The following PLPPR1 variants were observed in gnomAD, a reference collection of about 807,000 sequenced individuals.
PLPPR1 encodes the protein phospholipid phosphatase-related protein type 1.
A neutral mutation model predicts 33.1 loss-of-function variants in PLPPR1; 10 were observed. The ratio of observed to expected loss-of-function variants is 0.30; its 90% confidence interval spans 0.19 to 0.51. PLPPR1 has a LOEUF of 0.51. PLPPR1 is among the 20% of genes least tolerant of loss of function. The pLI is 0.97. For synonymous variants in PLPPR1, 151 were observed against 151.0 expected, an observed-to-expected ratio of 1.00 and a Z score of 0.00; for missense variants, 304 against 408.1, an observed-to-expected ratio of 0.74 and a Z score of 2.20.
chr9:101,122,052 G>A (rs891727608), intron 1 of PLPPR1, among the ~76,000 whole-genome samples: 1 of 152,074 alleles, frequency 6.6e-6, no homozygotes, highest in Non-Finnish European at 1.5e-5. Context: ...TTAGCCTTTG[G>A]GTATTTATTT....
At chr9:101,188,448 G>A (rs1267451718) in intron 2 of PLPPR1, among the ~76,000 whole-genome samples, 2 of 151,794 alleles carry the variant, frequency 1.3e-5, no homozygotes, top group African/African-American at 4.8e-5. Flanking sequence ...TCTATAAGTG[G>A]CAGCAGATTT....
At chr9:101,085,472 A>G (rs2118520387) in intron 1 of PLPPR1, among the ~76,000 whole-genome samples, 1 of 152,312 alleles carries the variant, frequency 6.6e-6, no homozygotes, top group Non-Finnish European at 1.5e-5. Flanking sequence ...GATGGGATCC[A>G]TCTACAGAGC....
At chr9:101,268,330 G>A (rs910844529) in intron 2 of PLPPR1, among the ~76,000 whole-genome samples, 2 of 152,018 alleles carry the variant, frequency 1.3e-5, no homozygotes, top group African/African-American at 2.4e-5. Context: ...CTGTATGGAA[G>A]AGTTGCAGAA....
intron 2 of PLPPR1, chr9:101,187,888 G>C (rs1826231007): frequency 6.6e-6 from 1 of 151,950 alleles, no homozygotes; most frequent in Non-Finnish European, 1.5e-5. Flanking sequence ...CTATTGTCCT[G>C]AAGCCAGAAG....
At chr9:101,077,454 G>A (rs894640088) in intron 1 of PLPPR1, among the ~76,000 whole-genome samples, 8 of 152,114 alleles carry the variant, frequency 5.3e-5, no homozygotes, top group African/African-American at 1.9e-4. Flanking sequence ...AGCCACATTA[G>A]TGGGTATGTT....
chr9:101,143,673 G>GA (rs1831483292), intron 1 of PLPPR1, among the ~76,000 whole-genome samples: 3 of 152,088 alleles, frequency 2.0e-5, no homozygotes, highest in African/African-American at 7.2e-5. Flanking sequence ...ACAGACACAT[G>GA]AAAAAATGCT....
chr9:101,123,810 C>G (rs1189443810), intron 1 of PLPPR1, among the ~76,000 whole-genome samples: 1 of 152,120 alleles, frequency 6.6e-6, no homozygotes, highest in Non-Finnish European at 1.5e-5. Flanking sequence ...TGGATTCTAT[C>G]CAAGTCACGA....
At chr9:101,062,751 A>T (rs1830361867) in intron 1 of PLPPR1, among the ~76,000 whole-genome samples, 1 of 152,086 alleles carries the variant, frequency 6.6e-6, no homozygotes, top group Non-Finnish European at 1.5e-5. Flanking sequence ...CCAATAGATA[A>T]CAATTATAAG....
intron 2 of PLPPR1, among the ~76,000 whole-genome samples, chr9:101,196,880 T>A (rs964375216): frequency 2.1e-4 from 31 of 150,552 alleles, no homozygotes; most frequent in Non-Finnish European, 4.3e-4. Context: ...AAAAAAAAAA[T>A]TGTTAAAGAT....
intron 4 of PLPPR1, among the ~76,000 whole-genome samples, chr9:101,293,358 A>G: frequency 6.6e-6 from 1 of 151,954 alleles, no homozygotes; most frequent in South Asian, 2.1e-4. Context: ...ATAATGGGAG[A>G]CTTTAACACC....
chr9:101,244,159 G>T (rs993397177), intron 2 of PLPPR1, among the ~76,000 whole-genome samples: 8 of 152,062 alleles, frequency 5.3e-5, no homozygotes, highest in African/African-American at 1.7e-4. Context: ...CAATTAGGAG[G>T]TTATTGATGA....
chr9:101,039,524 G>A (rs2012728), intron 1 of PLPPR1, among the ~76,000 whole-genome samples: 29,827 of 151,994 alleles, frequency 0.2, 3,140 homozygotes, highest in East Asian at 0.36. Flanking sequence ...TTAAAATACT[G>A]AATAACACTC....
At chr9:101,207,453 T>G (rs979900115) in intron 2 of PLPPR1, among the ~76,000 whole-genome samples, 2 of 152,198 alleles carry the variant, frequency 1.3e-5, no homozygotes, top group African/African-American at 4.8e-5. Context: ...GCAGTCTTCA[T>G]GCTCTGAACA....
At chr9:101,237,642 T>TATAC (rs571146778) in intron 2 of PLPPR1, among the ~76,000 whole-genome samples, 1 of 139,892 alleles carries the variant, frequency 7.1e-6, no homozygotes, top group African/African-American at 2.6e-5. Flanking sequence ...TATATATATA[T>TATAC]ACACACACAC....
intron 5 of PLPPR1, among the ~76,000 whole-genome samples, chr9:101,311,259 A>G (rs1828949874): frequency 6.6e-6 from 1 of 152,222 alleles, no homozygotes; most frequent in African/African-American, 2.4e-5. Flanking sequence ...AATAAATGTG[A>G]CTATAACATG....
chr9:101,269,787 C>A (rs1435334340), intron 2 of PLPPR1, 93 bp from the exon 3 acceptor site: 1 of 1,218,482 alleles, frequency 8.2e-7, no homozygotes, highest in African/African-American at 1.5e-5. Flanking sequence ...TCAGGAGAGC[C>A]GCTGCTGGGG....
At chr9:101,163,262 A>G (rs1194787607) in intron 1 of PLPPR1, among the ~76,000 whole-genome samples, 3 of 152,194 alleles carry the variant, frequency 2.0e-5, no homozygotes, top group Non-Finnish European at 4.4e-5. Context: ...TAGAGAACTG[A>G]ACTACAAATG....
intron 2 of PLPPR1, among the ~76,000 whole-genome samples, chr9:101,238,156 TAC>T (rs1327643880): frequency 2.2e-5 from 3 of 137,448 alleles, no homozygotes; most frequent in Non-Finnish European, 3.2e-5. Flanking sequence ...TATATACATA[TAC>T]ACACATATAT....
intron 1 of PLPPR1, among the ~76,000 whole-genome samples, chr9:101,047,970 G>A (rs549516715): frequency 6.6e-6 from 1 of 152,244 alleles, no homozygotes; most frequent in Admixed American, 6.5e-5. Flanking sequence ...TTTAACTTAG[G>A]TGTATCTTGC....
Sources: allele counts gnomAD v4.1 joint callset (sites outside exome capture counted in the v4.1 genomes callset), GRCh38; gene constraint gnomAD v4.1.1; transcripts MANE v1.5; gene names NCBI Gene and HGNC (gene_info 2026-07-23, HGNC 2026-07-21).